C14orf119: variants seen among roughly 807,000 people sequenced by gnomAD.
C14orf119 encodes uncharacterized protein C14orf119.
In C14orf119, 17 loss-of-function variants were observed where a neutral mutation model predicts 13.5. The ratio of observed to expected loss-of-function variants is 1.26; its 90% CI spans 0.86 to 1.88. The LOEUF (loss-of-function observed/expected upper bound fraction) is 1.88. C14orf119 is among the 40% of genes most tolerant of loss of function. C14orf119 has a pLI of 0.00. For missense variants in C14orf119, 162 were observed against 165.9 expected (o/e 0.98, Z 0.13); for synonymous variants, 61 against 61.9 (o/e 0.99, Z 0.07).
intron 1 of C14orf119, among the ~76,000 whole-genome samples, chr14:23,096,081 A>G (rs1200274944): frequency 6.6e-6 from 1 of 152,240 alleles, no homozygotes; most frequent in African/African-American, 2.4e-5. Flanking sequence ...CAATCCTCCA[A>G]CTTGATGCAG....
Position 23,098,351 on chromosome 14 carries a change from G to T in C14orf119, c.*270G>T. 2.4e-6 allele frequency: 1 copy of T among 415,914 alleles called. No homozygotes were observed. The highest frequency in any genetic ancestry group is 4.6e-6 in the Non-Finnish European group (1 of 217,046). The allele number at this position is 415,914 out of a possible 1,614,324, so 25.8% of individuals were successfully genotyped here. A position where few individuals can be genotyped will look rare whatever the true frequency, so the allele number is the denominator to read the frequency against. On this transcript the variant is annotated 3_prime_UTR_variant, in exon 2 of 2. Coordinates refer to ENST00000319074, the MANE Select transcript of C14orf119 (RefSeq NM_017924.4). ...GATGTCAAGTCCTCAAGAATTTGAT[G>T]GCTTCTTCTGCAGCTATAACCACAA...
chr14:23,098,399 A>G lies in C14orf119; in HGVS notation c.*318A>G, dbSNP rs767091887. ...CAAGGAACCTACACATTGTAACTCAAGTCCACTGCTGGCTCATGAAATGTG... is the reference window on the plus strand; with the variant it reads ...CAAGGAACCTACACATTGTAACTCAGGTCCACTGCTGGCTCATGAAATGTG... On this transcript the variant is annotated 3_prime_UTR_variant, in exon 2 of 2. Transcript: ENST00000319074. The G allele has an allele frequency of 1.0e-5, 3 of 289,726 alleles. No individual in the cohort carries two copies. The highest frequency in any genetic ancestry group is 1.4e-4 in the East Asian group (2 of 14,016). The allele number at this position is 289,726 out of a possible 1,614,324, so 17.9% of individuals were successfully genotyped here. A position where few individuals can be genotyped will look rare whatever the true frequency, so the allele number is the denominator to read the frequency against.
At chr14:23,096,293 G>A (rs1262649382) in intron 1 of C14orf119, among the ~76,000 whole-genome samples, 1 of 151,958 alleles carries the variant, frequency 6.6e-6, no homozygotes, top group Non-Finnish European at 1.5e-5. Context: ...GAGGCGGGCG[G>A]ATCACTTGAG....
At position 23,097,856 on chromosome 14, in the gene C14orf119, G is replaced by T. The variant is rs770763923; in HGVS notation, c.198G>T (p.Val66=). 20 of 1,614,112 alleles carry T rather than the reference G, an allele frequency of 1.2e-5. No individual in the cohort carries two copies. The East Asian group carries it at 4.0e-4, about 32-fold the overall frequency. ...TAGAGGACCTGGTAGCTAAGGCAGT[G>T]CCAGAAAAATTACAACCACTGCTGG... ...RFLEDLVAKA[V]PEKLQPLLDS... The change falls in exon 2 of 2, where the codon GTG becomes GTT. Residue 66 remains valine (V), a synonymous_variant. Coordinates refer to ENST00000319074, the MANE Select transcript of C14orf119 (RefSeq NM_017924.4).
intron 1 of C14orf119, among the ~76,000 whole-genome samples, chr14:23,096,605 C>T (rs1002110801): frequency 6.6e-6 from 1 of 151,366 alleles, no homozygotes; most frequent in African/African-American, 2.4e-5. Context: ...ACTCTGGGTC[C>T]CTCCACTCTG....
Position 23,097,780 on chromosome 14 carries a change from G to T in C14orf119, c.122G>T (p.Cys41Phe). Residue 41 changes from cysteine (C) to phenylalanine (F), a missense_variant, in exon 2 of 2, where the codon TGT becomes TTT. Physicochemically the swap from Cys to Phe is radical, Grantham distance 205 (BLOSUM62 -2). Coordinates refer to ENST00000319074, the MANE Select transcript of C14orf119 (RefSeq NM_017924.4). ...TACATCACCTCCCAGGAGATGAAGT[G>T]TATTCTTCACTGGTTTGCCAATTGG... Reference protein sequence around the residue: ...MSYITSQEMKCILHWFANWSG... With the variant: ...MSYITSQEMKFILHWFANWSG... 1 of 1,614,154 alleles carries T rather than the reference G, an allele frequency of 6.2e-7. No homozygotes were observed.
Position 23,097,741 on chromosome 14 carries a change from C to T in C14orf119, c.83C>T (p.Pro28Leu). ...GTACCACACAATACTAACCCTTCCC[C>T]TCCTCTGATGTCTTACATCACCTCC... ...PSVPHNTNPS[P>L]PLMSYITSQE... is the part of the protein sequence containing the mutation. The change falls in exon 2 of 2, where the codon CCT becomes CTT. Residue 28 changes from proline to leucine, a missense_variant. Pro to Leu is a moderately conservative substitution (Grantham distance 98, BLOSUM62 -3). Transcript: ENST00000319074. The T allele has an allele frequency of 6.2e-7, 1 of 1,614,068 alleles. No individual in the cohort carries two copies. Among genetic ancestry groups the T allele is most frequent in the Non-Finnish European group, 8.5e-7 (1 of 1,179,916 alleles).
At position 23,097,931 on chromosome 14, in the gene C14orf119, C is replaced by G. The variant is rs745526662; in HGVS notation, c.273C>G (p.Ile91Met). The G allele has an allele frequency of 1.1e-5, 17 of 1,614,168 alleles. No homozygotes were observed. The highest frequency in any genetic ancestry group is 1.4e-5 in the Non-Finnish European group (16 of 1,179,998). The change falls in exon 2 of 2, where the codon ATC (isoleucine) becomes ATG (methionine). Residue 91 changes from isoleucine to methionine, a missense_variant. By Grantham distance (10) the Ile-to-Met change is conservative (BLOSUM62 1). Transcript: ENST00000319074. ...CTGGGGCAGACCGACCACCTTCTATCTTTGAGTGCCAGCTACATCTTTGGG... is the reference window on the plus strand; with the variant it reads ...CTGGGGCAGACCGACCACCTTCTATGTTTGAGTGCCAGCTACATCTTTGGG... Reference protein sequence around the residue: ...SVSGADRPPSIFECQLHLWDQ... With the variant: ...SVSGADRPPSMFECQLHLWDQ...
In C14orf119 at chr14:23,099,387, T is replaced by C; in HGVS notation, c.*1306T>C. On this transcript the variant is annotated 3_prime_UTR_variant, in exon 2 of 2. Coordinates refer to ENST00000319074, the MANE Select transcript of C14orf119 (RefSeq NM_017924.4). Reference sequence around the variant, plus strand: ...GAAGAGTGGCTCTTTTCTGGTAGGCTGTGGTTCCCATTACACCCACCAGGA... The same window carrying C: ...GAAGAGTGGCTCTTTTCTGGTAGGCCGTGGTTCCCATTACACCCACCAGGA... 3 of 413,414 alleles carry C rather than the reference T, an allele frequency of 7.3e-6. No homozygotes were observed. Among genetic ancestry groups the C allele is most frequent in the Non-Finnish European group, 1.3e-5 (3 of 226,158 alleles). The allele number at this position is 413,414 out of a possible 1,614,324, so 25.6% of individuals were successfully genotyped here.
chr14:23,099,714 A>G lies in C14orf119; in HGVS notation c.*1633A>G, dbSNP rs1293934134. The G allele has an allele frequency of 6.1e-6, 2 of 327,040 alleles. No homozygotes were observed. The highest frequency in any genetic ancestry group is 1.2e-5 in the Non-Finnish European group (2 of 172,798). 20.3% of individuals were successfully genotyped at this position (327,040 alleles called of 1,614,324 possible). A position where few individuals can be genotyped will look rare whatever the true frequency, so the allele number is the denominator to read the frequency against. On this transcript the variant is annotated 3_prime_UTR_variant, in exon 2 of 2. Transcript: ENST00000319074. ...AGCTGGGACTACAGGCGCACGCCGCACCACCACGTCTGGCTAAGGGGCTTT... is the reference window on the plus strand; with the variant it reads ...AGCTGGGACTACAGGCGCACGCCGCGCCACCACGTCTGGCTAAGGGGCTTT...
Position 23,099,386 on chromosome 14 carries a change from C to A in C14orf119, c.*1305C>A. ...GGAAGAGTGGCTCTTTTCTGGTAGGCTGTGGTTCCCATTACACCCACCAGG... is the reference window on the plus strand; with the variant it reads ...GGAAGAGTGGCTCTTTTCTGGTAGGATGTGGTTCCCATTACACCCACCAGG... On this transcript the variant is annotated 3_prime_UTR_variant, in exon 2 of 2. Transcript: ENST00000319074. The A allele has an allele frequency of 2.4e-6, 1 of 413,360 alleles. No homozygotes were observed. Among genetic ancestry groups the A allele is most frequent in the Non-Finnish European group, 4.4e-6 (1 of 226,154 alleles). 25.6% of individuals were successfully genotyped at this position (413,360 alleles called of 1,614,324 possible).
At chr14:23,096,242 C>T (rs1469476418) in intron 1 of C14orf119, among the ~76,000 whole-genome samples, 2 of 152,186 alleles carry the variant, frequency 1.3e-5, no homozygotes, top group East Asian at 3.8e-4. Flanking sequence ...AGGTGCCGGG[C>T]GCGGTGGCTT....
At chr14:23,097,595 G>A in intron 1 of C14orf119, 63 bp from the exon 2 acceptor site, 4 of 1,451,878 alleles carry the variant, frequency 2.8e-6, no homozygotes, top group Non-Finnish European at 3.8e-6. Flanking sequence ...ATGTCTTGTT[G>A]CTTGAAAGTT....
chr14:23,097,939 G>T lies in C14orf119; in HGVS notation c.281G>T (p.Cys94Phe). 1 of 1,614,172 alleles carries T rather than the reference G, an allele frequency of 6.2e-7. No homozygotes were observed. Among genetic ancestry groups the T allele is most frequent in the South Asian group, 1.1e-5 (1 of 91,076 alleles). The change falls in exon 2 of 2, where the codon TGC becomes TTC. Residue 94 changes from cysteine (C) to phenylalanine (F), a missense_variant. Transcript: ENST00000319074. ...GACCGACCACCTTCTATCTTTGAGT[G>T]CCAGCTACATCTTTGGGATCAGTGG... The part of the protein sequence containing the change: ...GADRPPSIFE[C>F]QLHLWDQWFR...
In C14orf119 at chr14:23,099,670, C is replaced by T. The variant is rs549437076; in HGVS notation, c.*1589C>T. ...CGCCTCCCAGGCTCAAGCAATTCTC[C>T]TGCCTCAACCTTCCGAATAGCTGGG... On this transcript the variant is annotated 3_prime_UTR_variant, in exon 2 of 2. Coordinates refer to ENST00000319074, the MANE Select transcript of C14orf119 (RefSeq NM_017924.4). 2.3e-3 allele frequency: 858 copies of T among 370,126 alleles called. 7 individuals carry two copies. The highest frequency in any genetic ancestry group is 5.2e-3 in the South Asian group (34 of 6,600). The allele number at this position is 370,126 out of a possible 1,614,324, so 22.9% of individuals were successfully genotyped here.
chr14:23,100,346 A>G lies in C14orf119; in HGVS notation c.*2265A>G, dbSNP rs181047096. 7 of 410,428 alleles carry G rather than the reference A, an allele frequency of 1.7e-5. No individual in the cohort carries two copies. Among genetic ancestry groups the G allele is most frequent in the African/African-American group, 4.1e-5 (2 of 48,718 alleles). 25.4% of individuals were successfully genotyped at this position (410,428 alleles called of 1,614,324 possible). On this transcript the variant is annotated 3_prime_UTR_variant, in exon 2 of 2. Coordinates refer to ENST00000319074, the MANE Select transcript of C14orf119 (RefSeq NM_017924.4). The stretch of plus-strand genomic sequence containing the variant: ...TGTTATTGTATGGGAGGAGGGAGTC[A>G]GGTAGTGACGGGACTGGATGATCGT...
In C14orf119 at chr14:23,097,875, C is replaced by G. The variant is rs1197792009; in HGVS notation, c.217C>G (p.Leu73Val). The G allele has an allele frequency of 6.2e-7, 1 of 1,614,186 alleles. No homozygotes were observed. The highest frequency in any genetic ancestry group is 1.3e-5 in the African/African-American group (1 of 75,064). ...GGCAGTGCCAGAAAAATTACAACCA[C>G]TGCTGGATAGTCTGGAGCAGCTTAG... is the stretch of plus-strand genomic sequence containing the variant. ...AKAVPEKLQP[L>V]LDSLEQLSVS... Residue 73 changes from leucine (L) to valine (V), a missense_variant, in exon 2 of 2, where the codon CTG (leucine) becomes GTG (valine). Physicochemically the swap from Leu to Val is conservative, Grantham distance 32. Transcript: ENST00000319074.
Position 23,098,422 on chromosome 14 carries a change from G to A in C14orf119, c.*341G>A, listed in dbSNP as rs1032431481. Reference sequence around the variant, plus strand: ...CAAGTCCACTGCTGGCTCATGAAATGTGTAAAGTAGAACCCTCCTTCCCGA... The same window carrying A: ...CAAGTCCACTGCTGGCTCATGAAATATGTAAAGTAGAACCCTCCTTCCCGA... On this transcript the variant is annotated 3_prime_UTR_variant, in exon 2 of 2. Transcript: ENST00000319074. 4.0e-6 allele frequency: 1 copy of A among 252,568 alleles called. No individual in the cohort carries two copies. Among genetic ancestry groups the A allele is most frequent in the Non-Finnish European group, 8.4e-6 (1 of 119,034 alleles). 15.6% of individuals were successfully genotyped at this position (252,568 alleles called of 1,614,324 possible).
At chr14:23,096,535 T>G (rs1262610304) in intron 1 of C14orf119, among the ~76,000 whole-genome samples, 1 of 129,490 alleles carries the variant, frequency 7.7e-6, no homozygotes, top group Non-Finnish European at 1.6e-5. Flanking sequence ...AAAAAAAAAA[T>G]TGCAAGGCAC....
Sources: allele counts gnomAD v4.1 joint callset (sites outside exome capture counted in the v4.1 genomes callset), GRCh38; gene constraint gnomAD v4.1.1; transcripts MANE v1.5; gene names NCBI Gene and HGNC (gene_info 2026-07-23, HGNC 2026-07-21).